The following CHAT variants were observed in gnomAD, a reference collection of about 807,000 sequenced individuals.
CHAT encodes acetyl CoA:choline O-acetyltransferase.
CHAT carries 61 observed loss-of-function variants against 76.9 expected under a neutral mutation model. The observed-to-expected ratio is 0.79, with a 90% CI of 0.65 to 0.98. CHAT has a LOEUF of 0.98. Among genes scored for constraint, CHAT ranks in the 50% least tolerant of loss-of-function variants. The pLI is 0.00. For synonymous variants in CHAT, 407 were observed against 397.4 expected, an observed-to-expected ratio of 1.02 and a Z score of -0.29; for missense variants, 946 against 986.9, an observed-to-expected ratio of 0.96 and a Z score of 0.56.
upstream of CHAT, chr10:49,612,214 G>A (rs1193447503): frequency 6.2e-7 from 1 of 1,609,232 alleles, no homozygotes; most frequent in Non-Finnish European, 8.5e-7. Flanking sequence ...GCCACCGCAA[G>A]GTCTGTACGA....
intron 10 of CHAT, 31 bp downstream of exon 10, chr10:49,649,667 T>TC: frequency 1.2e-6 from 2 of 1,612,664 alleles, no homozygotes; most frequent in Non-Finnish European, 1.7e-6. Context: ...CTTTGAGGGG[T>TC]CCCCTAGGGA....
upstream of CHAT, chr10:49,611,320 A>T: frequency 6.2e-7 from 1 of 1,604,962 alleles, no homozygotes; most frequent in Non-Finnish European, 8.5e-7. Context: ...CTTCGCCGAC[A>T]CGTCTGGCAT....
chr10:49,631,907 A>G (rs927030178), intron 7 of CHAT, among the ~76,000 whole-genome samples: 2 of 151,302 alleles, frequency 1.3e-5, no homozygotes, highest in African/African-American at 4.9e-5. Context: ...CCAGATATTC[A>G]TGATGGGGAC....
At chr10:49,625,431 C>CGG (rs1205886986) in intron 5 of CHAT, 42 bp from the exon 6 acceptor site, 1 of 1,595,890 alleles carries the variant, frequency 6.3e-7, no homozygotes, top group African/African-American at 1.3e-5. Context: ...CACCACCCAC[C>CGG]ATCCCCTCGT....
chr10:49,662,981 C>T lies in CHAT; in HGVS notation c.1977+199C>T, dbSNP rs141534691. ...GGCTTGGTGGCTTACAACTATAATC[C>T]CAACACCTTGGGAGGCTGAGGCAGG... On this transcript the variant is annotated intron_variant, in intron 14 of 14. Coordinates refer to ENST00000337653, the MANE Select transcript of CHAT (RefSeq NM_020549.5). Among the ~76,000 whole-genome samples, 23 of 152,234 alleles carry T rather than the reference C, an allele frequency of 1.5e-4. No homozygotes were observed. In the East Asian group the frequency reaches 3.9e-3, roughly 26 times the overall value.
intron 7 of CHAT, among the ~76,000 whole-genome samples, chr10:49,643,396 A>G (rs1161595609): frequency 3.3e-5 from 5 of 151,992 alleles, no homozygotes; most frequent in East Asian, 3.9e-4. Context: ...CTGCACTACT[A>G]TACACCTCCT....
Position 49,622,145 on chromosome 10 carries a change from G to A in CHAT, c.747G>A (p.Leu249=), listed in dbSNP as rs765018013. The A allele has an allele frequency of 1.9e-6, 3 of 1,575,220 alleles. No individual in the cohort carries two copies. The African/African-American group carries it at 4.3e-5, about 23-fold the overall frequency. The change falls in exon 5 of 15, where the codon CTG becomes CTA. Residue 249 remains leucine, a synonymous_variant. Transcript: ENST00000337653. ...GTGTACTCAGCTACAAGGCCCTGCTGGACAGGTAGGACTGGGAGGGTGGTG... is the reference window on the plus strand; with the variant it reads ...GTGTACTCAGCTACAAGGCCCTGCTAGACAGGTAGGACTGGGAGGGTGGTG... ...ISGVLSYKAL[L]DSHSIPTDCA... is the part of the protein sequence containing the mutation.
At chr10:49,656,888 T>C (rs1185856380) in intron 13 of CHAT, among the ~76,000 whole-genome samples, 2 of 151,798 alleles carry the variant, frequency 1.3e-5, no homozygotes, top group Admixed American at 6.6e-5. Context: ...CGTAAACTCC[T>C]CCTCTTGGTG....
upstream of CHAT, chr10:49,610,435 C>G (rs1475651313): frequency 3.0e-6 from 1 of 334,174 alleles, no homozygotes; most frequent in Admixed American, 4.9e-5. Context: ...CTGCTCTGGG[C>G]GCGCCCCGGG....
intron 7 of CHAT, 27 bp downstream of exon 7, chr10:49,627,812 C>T (rs764750813): frequency 6.2e-7 from 1 of 1,609,272 alleles, no homozygotes; most frequent in Non-Finnish European, 8.5e-7. Flanking sequence ...AGCACATCTC[C>T]ATGCCCATCT....
In CHAT at chr10:49,619,822, G is replaced by C; in HGVS notation, c.485G>C (p.Ser162Thr). 6.2e-7 allele frequency: 1 copy of C among 1,613,980 alleles called. No individual in the cohort carries two copies. The highest frequency in any genetic ancestry group is 1.3e-5 in the African/African-American group (1 of 75,056). Residue 162 changes from serine (S) to threonine (T), a missense_variant, in exon 3 of 15, where the codon AGC becomes ACC. By Grantham distance (58) the Ser-to-Thr change is moderately conservative (BLOSUM62 1). Around this residue, in one of 3 missense-constraint regions of CHAT, gnomAD observed 548 missense variants for 516.2 expected, o/e 1.06. Coordinates refer to ENST00000337653, the MANE Select transcript of CHAT (RefSeq NM_020549.5). ...HLVSEEQFRK[S>T]QAIVQQFGAP... ...GTGTCTGAGGAGCAGTTCAGGAAGA[G>C]CCAGGCCATTGTGCAGCAGTTTGGG...
intron 2 of CHAT, among the ~76,000 whole-genome samples, chr10:49,617,669 G>A (rs1464163440): frequency 6.6e-6 from 1 of 152,192 alleles, no homozygotes; most frequent in Non-Finnish European, 1.5e-5. Flanking sequence ...AGACTTGTGG[G>A]CCCTTTTGGC....
chr10:49,620,727 G>T, intron 4 of CHAT, 114 bp downstream of exon 4: 2 of 832,360 alleles, frequency 2.4e-6, no homozygotes, highest in Admixed American at 1.8e-5. Context: ...GCTTCCTGGG[G>T]TCAAATGCCC....
intron 7 of CHAT, among the ~76,000 whole-genome samples, chr10:49,646,152 G>A (rs948115696): frequency 3.9e-5 from 6 of 152,222 alleles, no homozygotes; most frequent in Non-Finnish European, 8.8e-5. Context: ...GGGATTAAGG[G>A]CCCTTCCACT....
At chr10:49,634,626 A>G (rs1400157252) in intron 7 of CHAT, among the ~76,000 whole-genome samples, 1 of 152,036 alleles carries the variant, frequency 6.6e-6, no homozygotes, top group Non-Finnish European at 1.5e-5. Flanking sequence ...CTCCCTAGTC[A>G]CCATCTCTCT....
At chr10:49,635,523 C>A (rs1426493536) in intron 7 of CHAT, among the ~76,000 whole-genome samples, 1 of 152,188 alleles carries the variant, frequency 6.6e-6, no homozygotes, top group Non-Finnish European at 1.5e-5. Flanking sequence ...TCCAGAGTGA[C>A]TGTACCATTT....
At chr10:49,648,473 C>T (rs778210029) in intron 8 of CHAT, 34 bp from the exon 9 acceptor site, 6 of 1,566,756 alleles carry the variant, frequency 3.8e-6, no homozygotes, top group East Asian at 4.5e-5. Context: ...TGCTGACTCT[C>T]CCATGATCGC....
At chr10:49,622,254 C>A in intron 5 of CHAT, 104 bp downstream of exon 5, 1 of 1,247,138 alleles carries the variant, frequency 8.0e-7, no homozygotes, top group Non-Finnish European at 1.2e-6. Flanking sequence ...CCATTCCTGG[C>A]TCCTGGCACA....
intron 7 of CHAT, among the ~76,000 whole-genome samples, chr10:49,643,882 G>A (rs1177886673): frequency 1.3e-5 from 2 of 152,246 alleles, no homozygotes; most frequent in Non-Finnish European, 2.9e-5. Context: ...CTCAGTGAGT[G>A]CTGATATGGG....
Sources: gnomAD v4.1 joint callset for allele counts (sites outside exome capture counted in the v4.1 genomes callset) on GRCh38, gnomAD v4.1.1 for gene constraint, gnomAD v4.1.1 regional missense constraint, MANE v1.5 for transcripts, NCBI Gene and HGNC (gene_info 2026-07-23, HGNC 2026-07-21) for gene names.